PROSER3: variants seen among roughly 807,000 people sequenced by gnomAD.
PROSER3 encodes the protein proline and serine rich 3.
Under a neutral mutation model 50.2 loss-of-function variants are expected in PROSER3, and 33 were observed. The ratio of observed to expected loss-of-function variants is 0.66; its 90% CI spans 0.50 to 0.88. The LOEUF (loss-of-function observed/expected upper bound fraction) is 0.88, where lower values mean the gene tolerates loss of function less well. Ranked by LOEUF, PROSER3 falls within the 40% of genes least tolerant of loss-of-function variation. PROSER3 has a pLI of 0.00. For synonymous variants in PROSER3, 266 were observed against 259.3 expected (o/e 1.03, Z -0.25); for missense variants, 623 against 612.7 (o/e 1.02, Z -0.18).
chr19:35,767,650 A>C, intron 8 of PROSER3: 2 of 944,872 alleles, frequency 2.1e-6, no homozygotes, highest in Non-Finnish European at 1.6e-6. Flanking sequence ...TGGGCCAGGT[A>C]GTGGCAGCTC....
Position 35,765,915 on chromosome 19 carries a change from C to T in PROSER3, c.769+739C>T, listed in dbSNP as rs577162279. ...GATGGATGTGAGAGAATGCACCGTGCGATACATGAAGGAAGAGCATTCCAG... is the reference window on the plus strand; with the variant it reads ...GATGGATGTGAGAGAATGCACCGTGTGATACATGAAGGAAGAGCATTCCAG... On this transcript the variant is annotated intron_variant, in intron 7 of 10. Coordinates refer to ENST00000396908, the Ensembl canonical transcript of PROSER3. Among the ~76,000 whole-genome samples the T allele has an allele frequency of 5.9e-5, 9 of 152,038 alleles. 1 individual carries two copies. Among genetic ancestry groups the T allele is most frequent in the Non-Finnish European group, 1.3e-4 (9 of 68,016 alleles).
chr19:35,760,053 C>T (rs140667660), intron 3 of PROSER3, 62 bp downstream of exon 3: 14 of 1,403,536 alleles, frequency 1.0e-5, no homozygotes, highest in Non-Finnish European at 1.3e-5. Context: ...AGAAGGCATG[C>T]AGTAATAATC....
intron 7 of PROSER3, among the ~76,000 whole-genome samples, chr19:35,766,456 G>T (rs1227808180): frequency 6.6e-5 from 10 of 152,108 alleles, no homozygotes; most frequent in Admixed American, 6.5e-4. Flanking sequence ...TAAGGCAGGA[G>T]GATCGCCTGA....
intron 5 of PROSER3, 109 bp from the exon 6 acceptor site, chr19:35,764,745 A>G (rs920472751): frequency 1.8e-5 from 17 of 948,860 alleles, no homozygotes; most frequent in Admixed American, 8.9e-5. Context: ...CTAAGCTGGC[A>G]TGTGAGGTTA....
exon 9 of PROSER3, chr19:35,768,065 G>A (rs779625700): frequency 2.0e-5 from 31 of 1,584,272 alleles, no homozygotes; most frequent in Non-Finnish European, 2.7e-5. Context: ...GGCTGCAGAA[G>A]GTGATGCCCG....
At chr19:35,767,628 T>C (rs907047449) in intron 8 of PROSER3, 8 of 785,162 alleles carry the variant, frequency 1.0e-5, no homozygotes, top group Non-Finnish European at 1.6e-5. Context: ...GGCCCTCAGC[T>C]CAGGGGTGTC....
chr19:35,767,553 C>T (rs1039001543), intron 8 of PROSER3: 53 of 544,498 alleles, frequency 9.7e-5, no homozygotes, highest in Admixed American at 5.2e-4. Context: ...GGGCCCAAGT[C>T]TCGGAGGAGC....
At chr19:35,762,988 C>G (rs1438153752) in intron 5 of PROSER3, 1 of 146,546 alleles carries the variant, frequency 6.8e-6, no homozygotes, top group African/African-American at 2.5e-5. Flanking sequence ...GCCAAGATAG[C>G]GCCAGCGCAC....
At chr19:35,765,585 T>C (rs1395864639) in intron 7 of PROSER3, among the ~76,000 whole-genome samples, 1 of 151,116 alleles carries the variant, frequency 6.6e-6, no homozygotes. Flanking sequence ...ATCTCAAAAA[T>C]AAATAAATAA....
chr19:35,768,737 C>T (rs1971259701), exon 11 of PROSER3: 2 of 581,780 alleles, frequency 3.4e-6, no homozygotes, highest in African/African-American at 1.9e-5. Context: ...ACAAGATCTC[C>T]TTTCTGGTTA....
At chr19:35,763,461 C>T (rs1971025036) in intron 5 of PROSER3, among the ~76,000 whole-genome samples, 4 of 151,330 alleles carry the variant, frequency 2.6e-5, no homozygotes, top group Admixed American at 2.6e-4. Flanking sequence ...CCACCTCAGC[C>T]TCCCAAAGTG....
At chr19:35,768,591 T>TA (rs1971253957) in exon 11 of PROSER3, 1 of 1,516,444 alleles carries the variant, frequency 6.6e-7, no homozygotes, top group African/African-American at 1.4e-5. Flanking sequence ...TTTTTTTTTT[T>TA]CATACAGTTA....
intron 5 of PROSER3, 46 bp downstream of exon 5, chr19:35,762,402 C>T (rs779153597): frequency 6.3e-5 from 94 of 1,482,882 alleles, no homozygotes; most frequent in South Asian, 9.6e-5. Context: ...GAACTGACAA[C>T]ACCAGCCCTA....
At chr19:35,769,610 C>T (rs554983358), downstream of PROSER3, 1 of 152,468 alleles carries the variant, frequency 6.6e-6, no homozygotes, top group African/African-American at 2.4e-5. Context: ...TGGGCCCCCC[C>T]TCCCCAACTT....
At chr19:35,770,569 A>T (rs2146650657), downstream of PROSER3, among the ~76,000 whole-genome samples, 1 of 152,254 alleles carries the variant, frequency 6.6e-6, no homozygotes, top group Non-Finnish European at 1.5e-5. Context: ...TTAACTTCTA[A>T]AGTGCAGTTA....
At chr19:35,765,390 C>T (rs1014838270) in intron 7 of PROSER3, among the ~76,000 whole-genome samples, 1 of 152,120 alleles carries the variant, frequency 6.6e-6, no homozygotes, top group Non-Finnish European at 1.5e-5. Flanking sequence ...TGGCGAAACC[C>T]GGTATCTACT....
At chr19:35,767,791 G>C in intron 8 of PROSER3, 1 of 1,606,102 alleles carries the variant, frequency 6.2e-7, no homozygotes, top group African/African-American at 1.3e-5. Context: ...CTGAATCCCA[G>C]TGTCGGGCCA....
chr19:35,770,444 G>A (rs1014780311), downstream of PROSER3, among the ~76,000 whole-genome samples: 10 of 152,072 alleles, frequency 6.6e-5, no homozygotes, highest in African/African-American at 1.5e-4. Flanking sequence ...AAAACTTAAC[G>A]GTTTTTATAA....
At position 35,768,278 on chromosome 19, in the gene PROSER3, C is replaced by T. The variant is rs191057974; in HGVS notation, c.1301+42C>T. On this transcript the variant is annotated intron_variant, in intron 10 of 10. Coordinates refer to ENST00000396908, the Ensembl canonical transcript of PROSER3. Reference sequence around the variant, plus strand: ...CCCCAGAGTCTATGACACTGGGCCCCGGAGACCTCTGAGACCCGGTTAGGC... The same window carrying T: ...CCCCAGAGTCTATGACACTGGGCCCTGGAGACCTCTGAGACCCGGTTAGGC... 10,154 of 1,592,804 alleles carry T rather than the reference C, an allele frequency of 6.4e-3. 85 individuals are homozygous for T. Among genetic ancestry groups the T allele is most frequent in the Admixed American group, 7.5e-3 (435 of 58,130 alleles).
Sources: allele counts gnomAD v4.1 joint callset (sites outside exome capture counted in the v4.1 genomes callset), GRCh38; gene constraint gnomAD v4.1.1; transcripts MANE v1.5; gene names NCBI Gene and HGNC (gene_info 2026-07-23, HGNC 2026-07-21).